The following SBF2 variants were observed in gnomAD, a reference collection of about 807,000 sequenced individuals.
SBF2 encodes the protein myotubularin-related protein 13.
A neutral mutation model predicts 225.2 loss-of-function variants in SBF2; 112 were observed. That is an observed-to-expected ratio of 0.50 (90% CI 0.43 to 0.58). The LOEUF (loss-of-function observed/expected upper bound fraction) is 0.58. Among genes scored for constraint, SBF2 ranks in the 20% least tolerant of loss-of-function variants. The pLI is 0.00. For synonymous variants in SBF2, 763 were observed against 773.3 expected (o/e 0.99, Z 0.22); for missense variants, 1,996 against 2,206.2 (o/e 0.90, Z 1.91).
intron 26 of SBF2, chr11:9,839,000 T>C (rs534181443): frequency 3.9e-5 from 7 of 178,048 alleles, no homozygotes; most frequent in African/African-American, 1.2e-4. Flanking sequence ...CAGCAAATTA[T>C]AGCCTGTGGG....
intron 1 of SBF2, among the ~76,000 whole-genome samples, chr11:10,300,649 G>C (rs2133653947): frequency 6.6e-6 from 1 of 152,126 alleles, no homozygotes; most frequent in Non-Finnish European, 1.5e-5. Context: ...TTTGGCTATG[G>C]ATGATTCAAA....
chr11:9,926,501 C>T (rs1270889177), intron 16 of SBF2, among the ~76,000 whole-genome samples: 1 of 151,938 alleles, frequency 6.6e-6, no homozygotes, highest in Non-Finnish European at 1.5e-5. Context: ...CAATATAGAC[C>T]ATATACTGGA....
At chr11:10,130,749 T>C (rs931316376) in intron 2 of SBF2, among the ~76,000 whole-genome samples, 1 of 152,136 alleles carries the variant, frequency 6.6e-6, no homozygotes, top group Non-Finnish European at 1.5e-5. Context: ...ACCTCTACAA[T>C]TGTGTTGTTT....
intron 2 of SBF2, among the ~76,000 whole-genome samples, chr11:10,139,253 T>C (rs918649414): frequency 6.6e-6 from 1 of 152,220 alleles, no homozygotes; most frequent in Non-Finnish European, 1.5e-5. Flanking sequence ...CTCTATCATA[T>C]ACAAAGGATT....
At chr11:10,153,558 T>C (rs1427896083) in intron 2 of SBF2, among the ~76,000 whole-genome samples, 1 of 152,070 alleles carries the variant, frequency 6.6e-6, no homozygotes, top group Non-Finnish European at 1.5e-5. Context: ...CACTAAACAG[T>C]TTTACCAGAA....
rs1200462088 is a variant in SBF2, at chr11:10,303,921, C to A, written n.386+571G>T. Among the ~76,000 whole-genome samples, 5 of 152,150 alleles carry A rather than the reference C, an allele frequency of 3.3e-5. No homozygotes were observed. The highest frequency in any genetic ancestry group is 5.9e-5 in the Non-Finnish European group (4 of 68,032). On this transcript the variant is annotated intron_variant and non_coding_transcript_variant, in intron 1 of 5. Coordinates refer to the SBF2 transcript ENST00000685217. The surrounding 1 kb of genome is among the most constrained non-coding windows in gnomAD (Gnocchi z 5.2). Reference sequence around the variant, plus strand: ...GATTCATCATGAACAGGCACAAATTCTTTGGGCGGGGGCTAGGACTCTCCT... The same window carrying A: ...GATTCATCATGAACAGGCACAAATTATTTGGGCGGGGGCTAGGACTCTCCT...
At position 9,945,588 on chromosome 11, in the gene SBF2, T is replaced by C. The variant is rs1340613449; in HGVS notation, c.1860+16369A>G. ...AAAGCAGGTGCAACAAAATAAAAAATAGACAAGTGGGATCTAAATAAACAG... is the reference window on the plus strand; with the variant it reads ...AAAGCAGGTGCAACAAAATAAAAAACAGACAAGTGGGATCTAAATAAACAG... On this transcript the variant is annotated intron_variant, in intron 16 of 39. Coordinates refer to ENST00000256190, the MANE Select transcript of SBF2 (RefSeq NM_030962.4). Among the ~76,000 whole-genome samples, 5 of 151,936 alleles carry C rather than the reference T, an allele frequency of 3.3e-5. No individual in the cohort carries two copies. In the East Asian group the frequency reaches 9.6e-4, roughly 29 times the overall value.
At chr11:10,230,391 G>C (rs1373788014) in intron 1 of SBF2, among the ~76,000 whole-genome samples, 1 of 152,170 alleles carries the variant, frequency 6.6e-6, no homozygotes, top group Admixed American at 6.6e-5. Flanking sequence ...AGTTGATGCA[G>C]TTTCTTCCTA....
At chr11:10,028,591 C>A in intron 5 of SBF2, 34 bp from the exon 6 acceptor site, 1 of 1,328,456 alleles carries the variant, frequency 7.5e-7, no homozygotes, top group Non-Finnish European at 1.1e-6. Context: ...CACACACACA[C>A]ACGATTTCAG....
intron 3 of SBF2, among the ~76,000 whole-genome samples, chr11:10,038,837 T>A (rs1318617842): frequency 1.3e-5 from 2 of 151,990 alleles, no homozygotes; most frequent in East Asian, 3.9e-4. Context: ...GAAATAACTT[T>A]AAAAAGATAT....
At chr11:10,001,925 A>G (rs1422375277) in intron 7 of SBF2, among the ~76,000 whole-genome samples, 1 of 152,176 alleles carries the variant, frequency 6.6e-6, no homozygotes, top group Non-Finnish European at 1.5e-5. Flanking sequence ...TAAACAGTAT[A>G]TTAGAGGTAT....
Position 9,780,359 on chromosome 11 carries a change from T to TTCTA in SBF2, c.*55_*58dup. The TTCTA allele has an allele frequency of 1.4e-6, 2 of 1,437,820 alleles. No homozygotes were observed. Among genetic ancestry groups the TTCTA allele is most frequent in the Non-Finnish European group, 9.7e-7 (1 of 1,025,980 alleles). 89.1% of individuals were successfully genotyped at this position (1,437,820 alleles called of 1,614,324 possible). A position where few individuals can be genotyped will look rare whatever the true frequency, so the allele number is the denominator to read the frequency against. On this transcript the variant is annotated 3_prime_UTR_variant, in exon 40 of 40. Coordinates refer to ENST00000256190, the MANE Select transcript of SBF2 (RefSeq NM_030962.4). Reference sequence around the variant, plus strand: ...GCTCCTCAAGGATCCATGCTTCTTTTTCTATCTATCTGGCAGCATGAGTTC... The same window carrying TTCTA: ...GCTCCTCAAGGATCCATGCTTCTTTTTCTATCTATCTATCTGGCAGCATGAGTTC...
At chr11:10,026,313 C>CTT (rs1340404717) in intron 6 of SBF2, among the ~76,000 whole-genome samples, 1 of 152,110 alleles carries the variant, frequency 6.6e-6, no homozygotes, top group Non-Finnish European at 1.5e-5. Flanking sequence ...CTGATTGACC[C>CTT]TTTAGAGGTA....
intron 2 of SBF2, among the ~76,000 whole-genome samples, chr11:10,068,337 G>C (rs544501069): frequency 1.3e-5 from 2 of 152,260 alleles, no homozygotes; most frequent in South Asian, 4.2e-4. Flanking sequence ...TTTTCTGTTT[G>C]AATCCAAGGT....
At chr11:10,160,100 A>G (rs1187685022) in intron 2 of SBF2, among the ~76,000 whole-genome samples, 6 of 152,200 alleles carry the variant, frequency 3.9e-5, no homozygotes, top group Non-Finnish European at 8.8e-5. Flanking sequence ...AAGACACTCA[A>G]AATGTAAAAG....
intron 2 of SBF2, among the ~76,000 whole-genome samples, chr11:10,043,518 T>C (rs1949736264): frequency 6.6e-6 from 1 of 152,124 alleles, no homozygotes; most frequent in South Asian, 2.1e-4. Context: ...AGAATTAAAC[T>C]AGAAATCAAT....
intron 16 of SBF2, chr11:9,961,501 G>A (rs1362145432): frequency 6.5e-6 from 1 of 154,142 alleles, no homozygotes; most frequent in Non-Finnish European, 1.4e-5. Flanking sequence ...CACACATTTT[G>A]AAGCCAAGTG....
At chr11:9,931,334 T>C (rs1390368962) in intron 16 of SBF2, among the ~76,000 whole-genome samples, 2 of 152,224 alleles carry the variant, frequency 1.3e-5, no homozygotes, top group Admixed American at 1.3e-4. Context: ...GTAGTCTAAC[T>C]GGGAGACACC....
chr11:9,919,450 G>A (rs1359472009), intron 16 of SBF2, among the ~76,000 whole-genome samples: 4 of 152,136 alleles, frequency 2.6e-5, no homozygotes, highest in African/African-American at 7.2e-5. Flanking sequence ...CGAGCTCCCC[G>A]AGTGAGCAAT....
Sources: allele counts gnomAD v4.1 joint callset (sites outside exome capture counted in the v4.1 genomes callset), GRCh38; gene constraint gnomAD v4.1.1; non-coding constraint Gnocchi (gnomAD v3.1); transcripts MANE v1.5; gene names NCBI Gene and HGNC (gene_info 2026-07-23, HGNC 2026-07-21).